The following VPS8 variants were observed in gnomAD, a reference collection of about 807,000 sequenced individuals.
VPS8 encodes VPS8 subunit of CORVET complex.
A neutral mutation model predicts 216.4 loss-of-function variants in VPS8; 129 were observed. That is an observed-to-expected ratio of 0.60 (90% CI 0.52 to 0.69). The LOEUF is 0.69. VPS8 is among the 30% of genes least tolerant of loss of function. VPS8 has a pLI of 0.00. For synonymous variants in VPS8, 571 were observed against 565.4 expected, an observed-to-expected ratio of 1.01 and a Z score of -0.14; for missense variants, 1,531 against 1,683.5, an observed-to-expected ratio of 0.91 and a Z score of 1.59.
chr3:184,937,844 A>G (rs1177102728), intron 35 of VPS8, among the ~76,000 whole-genome samples: 1 of 152,228 alleles, frequency 6.6e-6, no homozygotes, highest in Non-Finnish European at 1.5e-5. Flanking sequence ...TACTAGTGAT[A>G]GGCTGGAGGG....
intron 46 of VPS8, among the ~76,000 whole-genome samples, chr3:185,025,625 A>C (rs1757235260): frequency 6.6e-6 from 1 of 152,236 alleles, no homozygotes; most frequent in South Asian, 2.1e-4. Context: ...GGCAGGCGAG[A>C]CTGAGGCAAT....
At chr3:185,032,278 T>C (rs543266578) in intron 46 of VPS8, among the ~76,000 whole-genome samples, 1 of 152,262 alleles carries the variant, frequency 6.6e-6, no homozygotes, top group Admixed American at 6.5e-5. Flanking sequence ...AATCTGAATT[T>C]ATGTAAAGAG....
chr3:184,884,943 C>T (rs1284551949), intron 21 of VPS8, among the ~76,000 whole-genome samples: 1 of 152,196 alleles, frequency 6.6e-6, no homozygotes, highest in Non-Finnish European at 1.5e-5. Flanking sequence ...GCCACCAACT[C>T]CCCATTACCT....
intron 1 of VPS8, among the ~76,000 whole-genome samples, chr3:184,821,038 T>C (rs919074287): frequency 5.9e-5 from 9 of 152,218 alleles, no homozygotes; most frequent in Admixed American, 4.6e-4. Flanking sequence ...TTTTAGAATC[T>C]TTAACTTTAG....
chr3:184,847,038 G>A (rs1723265168), intron 8 of VPS8, among the ~76,000 whole-genome samples: 1 of 152,178 alleles, frequency 6.6e-6, no homozygotes, highest in Non-Finnish European at 1.5e-5. Flanking sequence ...CAGTCAGAAT[G>A]TATTGAAAAA....
chr3:185,042,898 A>G (rs992795503), intron 46 of VPS8, among the ~76,000 whole-genome samples: 3 of 152,218 alleles, frequency 2.0e-5, no homozygotes, highest in Non-Finnish European at 4.4e-5. Flanking sequence ...GTGTGGGAAC[A>G]GTATGTGGGT....
rs2108568661 is a variant in VPS8, at chr3:185,052,245, ATTTTG to A, written c.*226_*230del. ...TGGCGTCAGTTCACCAGACTCATTGATTTTGTTTTGCTTGTTAAGCAAAGGAATGT... is the reference window on the plus strand; with the variant it reads ...TGGCGTCAGTTCACCAGACTCATTGATTTTGCTTGTTAAGCAAAGGAATGT... On this transcript the variant is annotated 3_prime_UTR_variant, in exon 48 of 48. Transcript: ENST00000625842. 3 of 457,332 alleles carry A rather than the reference ATTTTG, an allele frequency of 6.6e-6. No individual in the cohort carries two copies. In the East Asian group the frequency reaches 1.1e-4, roughly 17 times the overall value. 28.3% of individuals were successfully genotyped at this position (457,332 alleles called of 1,614,324 possible).
rs1734414677 is a variant in VPS8 at position 184,901,164 on chromosome 3, T to A, written c.2146+192T>A. ...TAAAAAGTTTCCTCCTTCCCCTTTG[T>A]ACTTGATCCTTTCCCCACAGCCCTG... On this transcript the variant is annotated intron_variant, in intron 25 of 47. Transcript: ENST00000625842. The A allele has an allele frequency of 7.0e-6, 4 of 569,936 alleles. No homozygotes were observed. In the South Asian group the frequency reaches 7.4e-5, roughly 11 times the overall value. The allele number at this position is 569,936 out of a possible 1,614,324, so 35.3% of individuals were successfully genotyped here. A position where few individuals can be genotyped will look rare whatever the true frequency, so the allele number is the denominator to read the frequency against.
chr3:184,903,892 C>T (rs1355101439), intron 25 of VPS8, among the ~76,000 whole-genome samples: 2 of 152,118 alleles, frequency 1.3e-5, no homozygotes, highest in Admixed American at 1.3e-4. Context: ...CACAGCACAT[C>T]TTTTCATTTT....
Position 184,886,075 on chromosome 3 carries a change from GTGGGGCTGATGCTTTCT to G in VPS8, c.1735-33_1735-17del. ...TATCAGTGGACCACTGGACAGGGTT[GTGGGGCTGATGCTTTCT>G]TTATGGTTCCTCTACAGGATATGGT... is the stretch of plus-strand genomic sequence containing the variant. On this transcript the variant is annotated intron_variant, in intron 21 of 47. Coordinates refer to ENST00000625842, the MANE Select transcript of VPS8 (RefSeq NM_001009921.3). The G allele has an allele frequency of 6.3e-7, 1 of 1,596,858 alleles. No homozygotes were observed. Among genetic ancestry groups the G allele is most frequent in the Non-Finnish European group, 8.5e-7 (1 of 1,170,636 alleles).
intron 21 of VPS8, among the ~76,000 whole-genome samples, chr3:184,875,321 T>C (rs893231435): frequency 9.2e-5 from 14 of 152,172 alleles, no homozygotes; most frequent in African/African-American, 3.4e-4. Context: ...CTATTCACTA[T>C]TTTTGCTTTT....
intron 36 of VPS8, among the ~76,000 whole-genome samples, chr3:184,956,039 C>G (rs1001370816): frequency 1.3e-5 from 2 of 151,756 alleles, no homozygotes; most frequent in African/African-American, 4.8e-5. Flanking sequence ...AGCCCATCAG[C>G]AAGTATTGAA....
At chr3:184,881,478 T>G (rs1272193306) in intron 21 of VPS8, among the ~76,000 whole-genome samples, 1 of 152,140 alleles carries the variant, frequency 6.6e-6, no homozygotes, top group Non-Finnish European at 1.5e-5. Context: ...GTGAATCTAA[T>G]TCTAGGTTTT....
intron 25 of VPS8, among the ~76,000 whole-genome samples, chr3:184,908,873 G>C (rs568178613): frequency 6.6e-6 from 1 of 152,364 alleles, no homozygotes; most frequent in African/African-American, 2.4e-5. Context: ...GCTCAGAATA[G>C]GGGAGGGGCA....
chr3:184,957,003 CACTT>C (rs754017356), intron 36 of VPS8, among the ~76,000 whole-genome samples: 11 of 152,094 alleles, frequency 7.2e-5, no homozygotes, highest in Admixed American at 2.0e-4. Context: ...AAAGAAGAAA[CACTT>C]ACTGAGATTG....
chr3:184,833,565 A>G (rs1720452400), intron 4 of VPS8, among the ~76,000 whole-genome samples: 1 of 152,162 alleles, frequency 6.6e-6, no homozygotes, highest in Non-Finnish European at 1.5e-5. Context: ...TGCTTAAAAG[A>G]TATGGTATCA....
chr3:184,915,603 G>A, intron 28 of VPS8, 129 bp downstream of exon 28: 8 of 940,418 alleles, frequency 8.5e-6, no homozygotes, highest in Non-Finnish European at 1.2e-5. Context: ...GAGGTCAGGA[G>A]TTCCAGACCA....
At chr3:184,991,553 C>T (rs1301928622) in intron 42 of VPS8, among the ~76,000 whole-genome samples, 1 of 152,118 alleles carries the variant, frequency 6.6e-6, no homozygotes, top group Non-Finnish European at 1.5e-5. Context: ...CAGAATTTAA[C>T]CTTTTAAGAC....
intron 2 of VPS8, 194 bp downstream of exon 2, chr3:184,824,979 C>T (rs1303948577): frequency 6.8e-6 from 4 of 587,270 alleles, no homozygotes; most frequent in African/African-American, 1.9e-5. Flanking sequence ...AAACATGGCT[C>T]ACTGAAGCTT....
Sources: gnomAD v4.1 joint callset for allele counts (sites outside exome capture counted in the v4.1 genomes callset) on GRCh38, gnomAD v4.1.1 for gene constraint, MANE v1.5 for transcripts, NCBI Gene and HGNC (gene_info 2026-07-23, HGNC 2026-07-21) for gene names.